The following ERP44 variants were observed in gnomAD, a reference collection of about 807,000 sequenced individuals.
The protein encoded by ERP44 is endoplasmic reticulum protein 44.
ERP44 carries 25 observed loss-of-function variants against 53.4 expected under a neutral mutation model. That is an observed-to-expected ratio of 0.47 (90% CI 0.34 to 0.65). ERP44 has a LOEUF of 0.65. Among genes scored for constraint, ERP44 ranks in the 30% least tolerant of loss-of-function variants. The pLI, the probability that ERP44 is intolerant of heterozygous loss-of-function variation, is 0.01. For synonymous variants in ERP44, 145 were observed against 161.2 expected, an observed-to-expected ratio of 0.90 and a Z score of 0.76; for missense variants, 338 against 493.2, an observed-to-expected ratio of 0.69 and a Z score of 2.98.
intron 4 of ERP44, among the ~76,000 whole-genome samples, chr9:100,043,745 A>C (rs1825938555): frequency 6.6e-6 from 1 of 151,880 alleles, no homozygotes; most frequent in Non-Finnish European, 1.5e-5. Flanking sequence ...ACAGAGCAAG[A>C]CTCTGTCTCA....
chr9:99,994,684 T>C (rs1315208763), intron 10 of ERP44, among the ~76,000 whole-genome samples: 1 of 152,216 alleles, frequency 6.6e-6, no homozygotes, highest in Non-Finnish European at 1.5e-5. Context: ...CATACTTGTA[T>C]GTCTATTTCT....
chr9:100,085,362 A>G (rs957065279), intron 1 of ERP44, among the ~76,000 whole-genome samples: 6 of 152,238 alleles, frequency 3.9e-5, no homozygotes, highest in Non-Finnish European at 7.3e-5. Flanking sequence ...GGTTCTCACC[A>G]AATACCTTCA....
intron 7 of ERP44, 43 bp from the exon 8 acceptor site, chr9:100,016,481 G>T (rs1327122100): frequency 9.1e-6 from 14 of 1,541,008 alleles, no homozygotes; most frequent in Non-Finnish European, 1.1e-5. Context: ...AACCTGTGCT[G>T]GCAAAAGTAT....
At chr9:100,022,984 A>C (rs1013419163) in intron 4 of ERP44, among the ~76,000 whole-genome samples, 2 of 152,198 alleles carry the variant, frequency 1.3e-5, no homozygotes, top group African/African-American at 2.4e-5. Context: ...ATATGAATAA[A>C]CAACGGGAAC....
At chr9:100,040,296 A>G (rs1046258839) in intron 4 of ERP44, among the ~76,000 whole-genome samples, 1 of 152,234 alleles carries the variant, frequency 6.6e-6, no homozygotes, top group Non-Finnish European at 1.5e-5. Context: ...TCAACAGTAC[A>G]TTAGAAAGAT....
intron 4 of ERP44, among the ~76,000 whole-genome samples, chr9:100,033,483 A>G (rs1175505223): frequency 2.0e-5 from 3 of 152,254 alleles, no homozygotes; most frequent in Admixed American, 6.5e-5. Context: ...AACTTTTTAA[A>G]AAAGTCTAAC....
At chr9:100,090,697 C>T (rs561954683) in intron 1 of ERP44, among the ~76,000 whole-genome samples, 148 of 151,402 alleles carry the variant, frequency 9.8e-4, no homozygotes, top group African/African-American at 3.4e-3. Context: ...TGCAGTGAGC[C>T]GAGATCACGC....
intron 10 of ERP44, chr9:99,998,873 T>G (rs1471173617): frequency 1.0e-5 from 16 of 1,547,694 alleles, no homozygotes; most frequent in Admixed American, 1.7e-5. Flanking sequence ...AGCAATGAGC[T>G]CTCTTGTCTT....
intron 4 of ERP44, among the ~76,000 whole-genome samples, chr9:100,051,550 G>T (rs952855807): frequency 5.3e-5 from 8 of 151,990 alleles, no homozygotes; most frequent in Admixed American, 2.0e-4. Flanking sequence ...GAGACACAGA[G>T]ATTAATAAGT....
At chr9:99,991,520 T>C (rs1317080842) in intron 10 of ERP44, among the ~76,000 whole-genome samples, 1 of 152,194 alleles carries the variant, frequency 6.6e-6, no homozygotes, top group Non-Finnish European at 1.5e-5. Context: ...AAGCAGTCCG[T>C]AGAGGGAAAT....
Position 100,006,604 on chromosome 9 carries a change from A to G in ERP44, c.918T>C (p.His306=), listed in dbSNP as rs1404144193. ...GAGTTTTCTGTATGTGCAGAAGAGG[A>G]TGTCTAAATTTGTCACAATCGGCAT... The part of the protein sequence containing the change: ...FLHADCDKFR[H]PLLHIQKTPA... The change falls in exon 10 of 12, where the codon CAT becomes CAC. Residue 306 remains histidine, a synonymous_variant. Transcript: ENST00000262455. The G allele has an allele frequency of 1.9e-5, 30 of 1,607,410 alleles. No individual in the cohort carries two copies. Among genetic ancestry groups the G allele is most frequent in the Non-Finnish European group, 2.5e-5 (30 of 1,177,446 alleles).
intron 1 of ERP44, among the ~76,000 whole-genome samples, chr9:100,082,028 T>C (rs1362104630): frequency 3.3e-5 from 5 of 150,838 alleles, no homozygotes; most frequent in African/African-American, 9.8e-5. Flanking sequence ...GAGTATATAA[T>C]AGAAGAGGAA....
chr9:100,035,787 A>G lies in ERP44; in HGVS notation c.287-13561T>C, dbSNP rs1825843851. Among the ~76,000 whole-genome samples the G allele has an allele frequency of 2.6e-5, 4 of 152,368 alleles. No individual in the cohort carries two copies. The South Asian group carries it at 6.2e-4, about 24-fold the overall frequency. On this transcript the variant is annotated intron_variant, in intron 4 of 11. Coordinates refer to ENST00000262455, the MANE Select transcript of ERP44 (RefSeq NM_015051.3). ...CGACATACAAGCAGCCAACAAACATATGAAAAAATGCTTATTATCGCTAAT... is the reference window on the plus strand; with the variant it reads ...CGACATACAAGCAGCCAACAAACATGTGAAAAAATGCTTATTATCGCTAAT...
At chr9:100,054,566 G>A (rs1826071037) in intron 3 of ERP44, among the ~76,000 whole-genome samples, 1 of 152,146 alleles carries the variant, frequency 6.6e-6, no homozygotes, top group African/African-American at 2.4e-5. Flanking sequence ...AATTCAAAAT[G>A]CTTCAAAATC....
chr9:99,996,592 C>T (rs565195029), intron 10 of ERP44, among the ~76,000 whole-genome samples: 2 of 152,018 alleles, frequency 1.3e-5, no homozygotes, highest in South Asian at 4.2e-4. Context: ...TTAGTAAGTT[C>T]TTTAGTGGTG....
chr9:100,042,541 C>A (rs7026532), intron 4 of ERP44, among the ~76,000 whole-genome samples: 102,924 of 152,016 alleles, frequency 0.68, 36,070 homozygotes, highest in East Asian at 0.91. Flanking sequence ...CATATGATCC[C>A]ATGATCCCAA....
chr9:100,070,979 G>A (rs1298623603), intron 1 of ERP44, among the ~76,000 whole-genome samples: 2 of 151,896 alleles, frequency 1.3e-5, no homozygotes, highest in East Asian at 3.9e-4. Context: ...TATAGCAGGT[G>A]AGCTATAGTA....
In ERP44 at chr9:100,098,434, G is replaced by C. The variant is rs528992944; in HGVS notation, c.57+350C>G. On this transcript the variant is annotated intron_variant, in intron 1 of 11. Transcript: ENST00000262455. ...CTTCCCAAATGGAGAGGGTGGGAAG[G>C]AACGCTAGGTCTATGCTTGGTCTTT... Among the ~76,000 whole-genome samples, 3 of 152,310 alleles carry C rather than the reference G, an allele frequency of 2.0e-5. No homozygotes were observed. The South Asian group carries it at 6.2e-4, about 32-fold the overall frequency.
At chr9:100,018,384 A>G in intron 6 of ERP44, 71 bp from the exon 7 acceptor site, 2 of 857,620 alleles carry the variant, frequency 2.3e-6, no homozygotes, top group South Asian at 2.6e-5. Flanking sequence ...CAGACTTGAA[A>G]TATATACTTA....
Sources: gnomAD v4.1 joint callset for allele counts (sites outside exome capture counted in the v4.1 genomes callset) on GRCh38, gnomAD v4.1.1 for gene constraint, MANE v1.5 for transcripts, NCBI Gene and HGNC (gene_info 2026-07-23, HGNC 2026-07-21) for gene names.